Variants in GLCCI1 observed in about 807,000 individuals in gnomAD.
GLCCI1 encodes the protein glucocorticoid induced 1, also known as glucocorticoid-induced transcript 1 protein.
GLCCI1 carries 24 observed loss-of-function variants against 52.2 expected under a neutral mutation model. The observed-to-expected ratio is 0.46, with a 90% CI of 0.33 to 0.65. GLCCI1 has a LOEUF of 0.65. GLCCI1 is among the 30% of genes least tolerant of loss of function. The pLI is 0.02. For missense variants in GLCCI1, 704 were observed against 701.5 expected (o/e 1.00, Z -0.04); for synonymous variants, 310 against 276.5 (o/e 1.12, Z -1.20).
intron 3 of GLCCI1, among the ~76,000 whole-genome samples, chr7:8,036,962 A>C (rs1781880711): frequency 6.6e-6 from 1 of 152,214 alleles, no homozygotes; most frequent in African/African-American, 2.4e-5. Context: ...AAAAGAAAAA[A>C]GTTTGGAAAA....
chr7:8,013,080 A>T (rs889294324), intron 2 of GLCCI1, among the ~76,000 whole-genome samples: 8 of 152,150 alleles, frequency 5.3e-5, no homozygotes, highest in Non-Finnish European at 7.3e-5. Context: ...AATTTACCGT[A>T]TATGCTAGGG....
In GLCCI1 at chr7:7,969,888, T is replaced by C. The variant is rs1780305550; in HGVS notation, c.457+81T>C. 4.2e-6 allele frequency: 5 copies of C among 1,193,776 alleles called. No homozygotes were observed. The highest frequency in any genetic ancestry group is 5.3e-6 in the Non-Finnish European group (5 of 950,164). The allele number at this position is 1,193,776 out of a possible 1,614,324, so 73.9% of individuals were successfully genotyped here. A position where few individuals can be genotyped will look rare whatever the true frequency, so the allele number is the denominator to read the frequency against. ...CGTGGAAACTTCAGCCTCTTCGGGCTTCTCTTTGCTAGTGCATTATCGAAG... is the reference window on the plus strand; with the variant it reads ...CGTGGAAACTTCAGCCTCTTCGGGCCTCTCTTTGCTAGTGCATTATCGAAG... On this transcript the variant is annotated intron_variant, in intron 1 of 7. Transcript: ENST00000223145. The surrounding 1 kb of genome is among the most constrained non-coding windows in gnomAD (Gnocchi z 4.9).
At chr7:8,028,415 G>T (rs1396257148) in intron 3 of GLCCI1, among the ~76,000 whole-genome samples, 2 of 152,098 alleles carry the variant, frequency 1.3e-5, no homozygotes, top group African/African-American at 4.8e-5. Context: ...TGAAACAAAT[G>T]ATAATGGAAG....
chr7:8,043,740 A>C (rs1782055042), intron 3 of GLCCI1, among the ~76,000 whole-genome samples: 1 of 152,226 alleles, frequency 6.6e-6, no homozygotes, highest in Non-Finnish European at 1.5e-5. Context: ...TACTTCAATA[A>C]AACTGAAAAA....
chr7:8,070,042 T>C (rs1360370044), intron 5 of GLCCI1: 1 of 152,212 alleles, frequency 6.6e-6, no homozygotes, highest in Non-Finnish European at 1.5e-5. Flanking sequence ...GTAAGATCTA[T>C]TTTTACAGAA....
chr7:8,047,643 C>T (rs1782162254), intron 3 of GLCCI1, among the ~76,000 whole-genome samples: 1 of 152,154 alleles, frequency 6.6e-6, no homozygotes, highest in Admixed American at 6.5e-5. Context: ...TGTAAAGCAT[C>T]TACAATTTCA....
chr7:7,973,750 G>C (rs1264637242), intron 1 of GLCCI1, among the ~76,000 whole-genome samples: 2 of 151,944 alleles, frequency 1.3e-5, no homozygotes, highest in African/African-American at 4.8e-5. Flanking sequence ...AAGAAGTTAT[G>C]ATTCTATTCT....
intron 2 of GLCCI1, among the ~76,000 whole-genome samples, chr7:8,016,124 T>C (rs557973832): frequency 6.6e-6 from 1 of 152,360 alleles, no homozygotes; most frequent in Non-Finnish European, 1.5e-5. Flanking sequence ...GTGATAATAT[T>C]AAACAGAATT....
chr7:7,984,697 T>C (rs1461681405), intron 1 of GLCCI1, among the ~76,000 whole-genome samples: 4 of 152,216 alleles, frequency 2.6e-5, no homozygotes, highest in Admixed American at 1.3e-4. Flanking sequence ...ATTAACTGAA[T>C]AGTGTAATTT....
chr7:8,021,803 T>C (rs1002517483), intron 2 of GLCCI1, among the ~76,000 whole-genome samples: 2 of 152,242 alleles, frequency 1.3e-5, no homozygotes, highest in Admixed American at 6.5e-5. Context: ...TAGTATCTAT[T>C]AATGGCTAAA....
chr7:8,083,352 CT>C (rs1562454682), intron 6 of GLCCI1, among the ~76,000 whole-genome samples: 1 of 151,882 alleles, frequency 6.6e-6, no homozygotes, highest in African/African-American at 2.4e-5. Flanking sequence ...AATTTGAGGC[CT>C]TATTCTCATC....
chr7:7,991,876 G>T (rs1411312164), intron 1 of GLCCI1, among the ~76,000 whole-genome samples: 1 of 152,010 alleles, frequency 6.6e-6, no homozygotes, highest in African/African-American at 2.4e-5. Context: ...TGGAGGGAGA[G>T]AATAGGCAAA....
intron 6 of GLCCI1, among the ~76,000 whole-genome samples, chr7:8,071,578 T>C (rs1047314859): frequency 2.6e-5 from 4 of 152,228 alleles, no homozygotes; most frequent in African/African-American, 9.6e-5. Context: ...TTATAAAGCT[T>C]AGTGAGTATC....
At chr7:7,970,396 G>T (rs368942735) in intron 1 of GLCCI1, 1 of 23,382 alleles carries the variant, frequency 4.3e-5, no homozygotes, top group African/African-American at 1.7e-4. Context: ...CCAGCCCCCC[G>T]CCACCCCGCC....
At chr7:8,025,771 C>G (rs1311042905) in intron 3 of GLCCI1, among the ~76,000 whole-genome samples, 1 of 152,102 alleles carries the variant, frequency 6.6e-6, no homozygotes, top group African/African-American at 2.4e-5. Flanking sequence ...ACTTTAAAAT[C>G]AGAAGCGATG....
intron 6 of GLCCI1, among the ~76,000 whole-genome samples, chr7:8,083,210 T>C (rs1271999619): frequency 6.6e-6 from 1 of 152,210 alleles, no homozygotes; most frequent in African/African-American, 2.4e-5. Flanking sequence ...GTGTGAAATA[T>C]GCACATCATG....
At chr7:8,009,155 A>G (rs1286300279) in intron 2 of GLCCI1, among the ~76,000 whole-genome samples, 1 of 152,198 alleles carries the variant, frequency 6.6e-6, no homozygotes, top group Non-Finnish European at 1.5e-5. Flanking sequence ...AGAAAGAAAA[A>G]CTAAAATCCA....
chr7:7,984,863 G>A (rs1780691923), intron 1 of GLCCI1, among the ~76,000 whole-genome samples: 1 of 152,190 alleles, frequency 6.6e-6, no homozygotes, highest in African/African-American at 2.4e-5. Context: ...AAAAGGGAAA[G>A]AACTCATATA....
intron 2 of GLCCI1, among the ~76,000 whole-genome samples, chr7:8,019,042 T>A (rs1217086027): frequency 6.6e-6 from 1 of 152,222 alleles, no homozygotes; most frequent in African/African-American, 2.4e-5. Flanking sequence ...TAAATTGGAT[T>A]CAAATTAGTC....
Sources: allele counts gnomAD v4.1 joint callset (sites outside exome capture counted in the v4.1 genomes callset), GRCh38; gene constraint gnomAD v4.1.1; non-coding constraint Gnocchi (gnomAD v3.1); transcripts MANE v1.5; gene names NCBI Gene and HGNC (gene_info 2026-07-23, HGNC 2026-07-21).